The following USP53 variants were observed in gnomAD, a reference collection of about 807,000 sequenced individuals.
USP53 encodes the protein ubiquitin specific peptidase 53.
A neutral mutation model predicts 94.9 loss-of-function variants in USP53; 71 were observed. That is an observed-to-expected ratio of 0.75 (90% CI 0.62 to 0.91). The LOEUF is 0.91. Among genes scored for constraint, USP53 ranks in the 40% least tolerant of loss-of-function variants. USP53 has a pLI of 0.00. For synonymous variants in USP53, 375 were observed against 422.7 expected, an observed-to-expected ratio of 0.89 and a Z score of 1.39; for missense variants, 1,173 against 1,281.0, an observed-to-expected ratio of 0.92 and a Z score of 1.29.
At position 119,233,326 on chromosome 4, in the gene USP53, TCTTA is replaced by T. The variant is rs1258053243; in HGVS notation, c.-664-1960_-664-1957del. On this transcript the variant is annotated intron_variant, in intron 3 of 18. Transcript: ENST00000692078. ...TTAGTATAAGGTTTCACAGTTTTCA[TCTTA>T]CTTCTCTTTTTTCCTACATCATGTT... Among the ~76,000 whole-genome samples, 7 of 152,168 alleles carry T rather than the reference TCTTA, an allele frequency of 4.6e-5. No homozygotes were observed. The East Asian group carries it at 1.2e-3, about 25-fold the overall frequency.
intron 5 of USP53, among the ~76,000 whole-genome samples, chr4:119,241,932 G>A (rs1747603597): frequency 1.3e-5 from 2 of 151,778 alleles, no homozygotes; most frequent in South Asian, 4.2e-4. Flanking sequence ...GTTTTACTTT[G>A]TGTGGTTTCT....
chr4:119,289,254 TTAAG>T (rs1404737373), intron 17 of USP53, among the ~76,000 whole-genome samples: 6 of 152,210 alleles, frequency 3.9e-5, no homozygotes, highest in Non-Finnish European at 5.9e-5. Flanking sequence ...CAAGCATTCT[TTAAG>T]TAAAACTGGC....
At chr4:119,261,604 C>T (rs1578504652) in intron 11 of USP53, 111 bp from the exon 12 acceptor site, 2 of 746,098 alleles carry the variant, frequency 2.7e-6, no homozygotes, top group East Asian at 3.0e-5. Flanking sequence ...TAGATTGGGG[C>T]AGTATGCATG....
rs369494252 is a variant in USP53 at position 119,269,672 on chromosome 4, A to G, written c.1289-19A>G. On this transcript the variant is annotated intron_variant, in intron 14 of 18. Transcript: ENST00000692078. ...TTGAAAAATGATCTGTATCATAGTA[A>G]GAATGATTTCTTTTACAGCTAAGTT... 2.9e-5 allele frequency: 39 copies of G among 1,365,558 alleles called. No individual in the cohort carries two copies. Among genetic ancestry groups the G allele is most frequent in the Non-Finnish European group, 3.5e-5 (37 of 1,052,234 alleles). The allele number at this position is 1,365,558 out of a possible 1,614,324, so 84.6% of individuals were successfully genotyped here.
At chr4:119,255,744 C>T (rs547065102) in intron 7 of USP53, among the ~76,000 whole-genome samples, 4 of 152,148 alleles carry the variant, frequency 2.6e-5, no homozygotes, top group Non-Finnish European at 5.9e-5. Context: ...GCTCGCCCTC[C>T]GTGGGCTGCA....
Position 119,261,707 on chromosome 4 carries a change from T to A in USP53, c.823-8T>A. On this transcript the variant is annotated splice_polypyrimidine_tract_variant and splice_region_variant and intron_variant, in intron 11 of 18. Transcript: ENST00000692078. ...TGTTAAGTGTACATTACCAATTTTTTTAAACAGCTTTTTTATAGAGTTACT... is the reference window on the plus strand; with the variant it reads ...TGTTAAGTGTACATTACCAATTTTTATAAACAGCTTTTTTATAGAGTTACT... 6.4e-7 allele frequency: 1 copy of A among 1,564,760 alleles called. No homozygotes were observed. The highest frequency in any genetic ancestry group is 1.3e-5 in the African/African-American group (1 of 74,446).
intron 3 of USP53, 41 bp downstream of exon 3, chr4:119,217,714 T>G (rs1474230764): frequency 6.6e-6 from 1 of 152,076 alleles, no homozygotes; most frequent in Non-Finnish European, 1.5e-5. Flanking sequence ...TTGTGATGGT[T>G]TGCAATTTTA....
intron 2 of USP53, among the ~76,000 whole-genome samples, chr4:119,215,270 CT>C (rs1456438379): frequency 6.6e-6 from 1 of 152,032 alleles, no homozygotes; most frequent in East Asian, 1.9e-4. Context: ...TAATTTTATA[CT>C]GATGATTTTA....
intron 7 of USP53, among the ~76,000 whole-genome samples, chr4:119,253,065 G>C (rs541951833): frequency 6.6e-6 from 1 of 152,154 alleles, no homozygotes; most frequent in South Asian, 2.1e-4. Flanking sequence ...TCTTAATCCT[G>C]ATTTCTAATT....
chr4:119,219,718 T>A (rs963125985), intron 3 of USP53: 3 of 152,252 alleles, frequency 2.0e-5, no homozygotes, highest in Non-Finnish European at 2.9e-5. Flanking sequence ...GTTAAATAAT[T>A]TATATAGCAT....
In USP53 at chr4:119,294,564, CAGAACT is replaced by C. The variant is rs1755088229; in HGVS notation, c.*1355_*1360del. 3 of 152,162 alleles carry C rather than the reference CAGAACT, an allele frequency of 2.0e-5. No homozygotes were observed. Among genetic ancestry groups the C allele is most frequent in the East Asian group, 3.9e-4 (2 of 5,194 alleles). The allele number at this position is 152,162 out of a possible 1,614,324, so 9.4% of individuals were successfully genotyped here. A position where few individuals can be genotyped will look rare whatever the true frequency, so the allele number is the denominator to read the frequency against. ...ATGTTCACTCCTGATAACTGAGAAA[CAGAACT>C]AAAGTTTTCCTTACATTGCTAAATG... On this transcript the variant is annotated 3_prime_UTR_variant, in exon 19 of 19. Transcript: ENST00000692078.
chr4:119,264,309 A>G (rs1750858415), intron 12 of USP53, among the ~76,000 whole-genome samples: 1 of 152,202 alleles, frequency 6.6e-6, no homozygotes, highest in Non-Finnish European at 1.5e-5. Context: ...CTATTTATAT[A>G]TAGGGATTTC....
intron 5 of USP53, among the ~76,000 whole-genome samples, chr4:119,244,366 GTTTGTTTTTATTAACTT>G (rs1489412147): frequency 2.0e-5 from 3 of 152,050 alleles, no homozygotes; most frequent in Non-Finnish European, 4.4e-5. Flanking sequence ...ATTAAAGCCA[GTTTGTTTTTATTAACTT>G]TTTGTTTTTA....
At chr4:119,213,660 A>ATATATATGTGTGTGTGTGTGTGTGTG in intron 1 of USP53, among the ~76,000 whole-genome samples, 34 of 117,774 alleles carry the variant, frequency 2.9e-4, no homozygotes, top group East Asian at 9.0e-4. Flanking sequence ...ATATATATAT[A>ATATATATGTGTGTGTGTGTGTGTGTG]TGTGTGTGTG....
chr4:119,216,376 G>T (rs1242817629), intron 2 of USP53, among the ~76,000 whole-genome samples: 1 of 74,184 alleles, frequency 1.3e-5, no homozygotes, highest in Non-Finnish European at 2.6e-5. Flanking sequence ...GTGAGACTCT[G>T]TCTAAAAAAA....
Position 119,293,344 on chromosome 4 carries a change from T to C in USP53, c.*133T>C, listed in dbSNP as rs1175912609. 2.9e-6 allele frequency: 3 copies of C among 1,049,970 alleles called. No homozygotes were observed. In the African/African-American group the frequency reaches 4.8e-5, roughly 17 times the overall value. The allele number at this position is 1,049,970 out of a possible 1,614,324, so 65.0% of individuals were successfully genotyped here. A position where few individuals can be genotyped will look rare whatever the true frequency, so the allele number is the denominator to read the frequency against. On this transcript the variant is annotated 3_prime_UTR_variant, in exon 19 of 19. Coordinates refer to ENST00000692078, the MANE Select transcript of USP53 (RefSeq NM_001371395.1). The stretch of plus-strand genomic sequence containing the variant: ...ACCAACTTTTACTTCTCAGAGGCCA[T>C]TTAAATATAATAGGAACCTACTGAC...
At chr4:119,217,016 A>G (rs1017883228) in intron 2 of USP53, among the ~76,000 whole-genome samples, 1 of 152,192 alleles carries the variant, frequency 6.6e-6, no homozygotes, top group Non-Finnish European at 1.5e-5. Context: ...TTCTCACAGT[A>G]GCCCTATGAT....
chr4:119,225,636 C>T (rs956010125), intron 3 of USP53, among the ~76,000 whole-genome samples: 11 of 152,008 alleles, frequency 7.2e-5, no homozygotes, highest in Non-Finnish European at 1.6e-4. Flanking sequence ...GTCCCAGCTG[C>T]TCAGGAGGCT....
intron 16 of USP53, 65 bp downstream of exon 16, chr4:119,272,099 A>G: frequency 6.7e-7 from 1 of 1,501,088 alleles, no homozygotes; most frequent in South Asian, 1.4e-5. Flanking sequence ...GCATGAAGTA[A>G]TTTTTGAAGT....
Sources: allele counts gnomAD v4.1 joint callset (sites outside exome capture counted in the v4.1 genomes callset), GRCh38; gene constraint gnomAD v4.1.1; transcripts MANE v1.5; gene names NCBI Gene and HGNC (gene_info 2026-07-23, HGNC 2026-07-21).